GALNS: variants seen among roughly 807,000 people sequenced by gnomAD.
GALNS encodes galactosamine (N-acetyl)-6-sulfatase, also known as N-acetylgalactosamine-6-sulfatase.
Under a neutral mutation model 65.9 loss-of-function variants are expected in GALNS, and 65 were observed. The ratio of observed to expected loss-of-function variants is 0.99; its 90% CI spans 0.81 to 1.21. GALNS has a LOEUF of 1.21. Ranked by LOEUF, GALNS falls within the 50% of genes most tolerant of loss-of-function variation. GALNS has a pLI of 0.00. For synonymous variants in GALNS, 346 were observed against 288.9 expected (o/e 1.20, Z -2.00); for missense variants, 776 against 700.7 (o/e 1.11, Z -1.21).
intron 13 of GALNS, chr16:88,814,952 C>A: frequency 1.2e-6 from 1 of 840,142 alleles, no homozygotes; most frequent in Non-Finnish European, 1.4e-6. Context: ...AGGCTGGTCT[C>A]AAACTTCTGA....
At chr16:88,832,719 G>A (rs1378912899) in intron 8 of GALNS, among the ~76,000 whole-genome samples, 1 of 152,202 alleles carries the variant, frequency 6.6e-6, no homozygotes, top group Non-Finnish European at 1.5e-5. Flanking sequence ...TGTAGCCTGA[G>A]CCACTTGAGG....
chr16:88,840,838 G>A, intron 4 of GALNS, 154 bp downstream of exon 4: 1 of 701,736 alleles, frequency 1.4e-6, no homozygotes, highest in South Asian at 1.5e-5. Context: ...GCCTGCACAG[G>A]GACGCTGGAG....
intron 12 of GALNS, among the ~76,000 whole-genome samples, chr16:88,819,084 C>T (rs747754441): frequency 8.5e-5 from 13 of 152,256 alleles, no homozygotes; most frequent in African/African-American, 1.2e-4. Flanking sequence ...CTGCCTTGGA[C>T]GCTCAGCAGT....
intron 1 of GALNS, chr16:88,856,358 G>A (rs1165456251): frequency 1.4e-6 from 1 of 701,930 alleles, no homozygotes; most frequent in Non-Finnish European, 2.6e-6. Flanking sequence ...CTCCCTTTGG[G>A]GAGGCCACGC....
At chr16:88,815,084 A>C (rs980285550) in intron 13 of GALNS, 9 of 985,428 alleles carry the variant, frequency 9.1e-6, no homozygotes, top group Non-Finnish European at 1.1e-5. Flanking sequence ...ACCCCAACCA[A>C]TTGGCCTCAG....
In GALNS at chr16:88,815,864, G is replaced by A. The variant is rs1909569176; in HGVS notation, c.1483-1339C>T. 3.0e-6 allele frequency: 3 copies of A among 985,322 alleles called. No homozygotes were observed. In the South Asian group the frequency reaches 1.4e-4, roughly 46 times the overall value. 61.0% of individuals were successfully genotyped at this position (985,322 alleles called of 1,614,324 possible). A position where few individuals can be genotyped will look rare whatever the true frequency, so the allele number is the denominator to read the frequency against. On this transcript the variant is annotated intron_variant, in intron 13 of 13. Coordinates refer to ENST00000268695, the MANE Select transcript of GALNS (RefSeq NM_000512.5). ...CAGGGTGTGTTTGAGTCTGGATGGG[G>A]GATCTGCATTTCTCAAAGGCCGCTC...
At chr16:88,855,308 G>A in intron 1 of GALNS, 1 of 700,186 alleles carries the variant, frequency 1.4e-6, no homozygotes, top group Non-Finnish European at 2.6e-6. Context: ...ATCCAGCGAA[G>A]CTATGCTGGC....
At position 88,841,940 on chromosome 16, in the gene GALNS, G is replaced by A; in HGVS notation, c.276C>T (p.Pro92=). 2 of 1,613,628 alleles carry A rather than the reference G, an allele frequency of 1.2e-6. No homozygotes were observed. The highest frequency in any genetic ancestry group is 1.7e-6 in the Non-Finnish European group (2 of 1,179,814). Residue 92 remains proline (P), a synonymous_variant, in exon 3 of 14, where the codon CCC becomes CCT. Coordinates refer to ENST00000268695, the MANE Select transcript of GALNS (RefSeq NM_000512.5). ...SRAALLTGRL[P]IRNGFYTTNA... is the part of the protein sequence containing the mutation. Reference sequence around the variant, plus strand: ...TGGTGGTGTAGAAGCCATTGCGGATGGGTAGCCGTCCTGTGAGCAGTGCCG... The same window carrying A: ...TGGTGGTGTAGAAGCCATTGCGGATAGGTAGCCGTCCTGTGAGCAGTGCCG...
At position 88,835,856 on chromosome 16, in the gene GALNS, A is replaced by T; in HGVS notation, c.634-7T>A. ...TAATGAAGTCCAGGGCTTCCTATGG[A>T]GAGAGCCACACCGTCGTCCTCCAGC... is the stretch of plus-strand genomic sequence containing the variant. On this transcript the variant is annotated splice_region_variant and splice_polypyrimidine_tract_variant and intron_variant, in intron 6 of 13. Transcript: ENST00000268695. 1.9e-6 allele frequency: 3 copies of T among 1,613,962 alleles called. No homozygotes were observed. Among genetic ancestry groups the T allele is most frequent in the Non-Finnish European group, 2.5e-6 (3 of 1,179,984 alleles).
Position 88,831,057 on chromosome 16 carries a change from G to A in GALNS, c.1002+941C>T, listed in dbSNP as rs1240865213. On this transcript the variant is annotated intron_variant, in intron 9 of 13. Coordinates refer to ENST00000268695, the MANE Select transcript of GALNS (RefSeq NM_000512.5). ...AGGACTGCTGCGGTGACTGGACCAC[G>A]GATGTCTCCTCACCACACAGTCATT... Among the ~76,000 whole-genome samples, 8 of 152,308 alleles carry A rather than the reference G, an allele frequency of 5.3e-5. 1 individual carries two copies. The highest frequency in any genetic ancestry group is 2.1e-4 in the South Asian group (1 of 4,826).
chr16:88,822,483 G>A lies in GALNS; in HGVS notation c.1364+106C>T. ...AATAGCAACAGCAGATGCAGGCAAG[G>A]GGAGGCGGCGGGCAGGGTGCAGAGG... On this transcript the variant is annotated intron_variant, in intron 12 of 13. Transcript: ENST00000268695. 3 of 1,456,784 alleles carry A rather than the reference G, an allele frequency of 2.1e-6. No homozygotes were observed. In the East Asian group the frequency reaches 7.0e-5, roughly 34 times the overall value. The allele number at this position is 1,456,784 out of a possible 1,614,324, so 90.2% of individuals were successfully genotyped here. A position where few individuals can be genotyped will look rare whatever the true frequency, so the allele number is the denominator to read the frequency against.
chr16:88,835,086 C>T, intron 8 of GALNS, 127 bp downstream of exon 8: 1 of 1,246,506 alleles, frequency 8.0e-7, no homozygotes, highest in Non-Finnish European at 1.1e-6. Flanking sequence ...ATCTGCTCCT[C>T]CCGCTGGACC....
At chr16:88,851,118 C>G (rs1219282347) in intron 1 of GALNS, among the ~76,000 whole-genome samples, 1 of 152,202 alleles carries the variant, frequency 6.6e-6, no homozygotes, top group Non-Finnish European at 1.5e-5. Context: ...CTATGAAAAG[C>G]AGGTGTGGAC....
intron 3 of GALNS, 34 bp downstream of exon 3, chr16:88,841,863 C>G: frequency 6.3e-7 from 1 of 1,594,544 alleles, no homozygotes; most frequent in Non-Finnish European, 8.6e-7. Context: ...ACCCTGCACC[C>G]CAAGGGTGTC....
intron 5 of GALNS, among the ~76,000 whole-genome samples, chr16:88,837,146 G>A (rs3784885): frequency 0.25 from 38,022 of 152,170 alleles, 5,089 homozygotes; most frequent in East Asian, 0.56. Flanking sequence ...ACCCGGCACT[G>A]CCGTGTCAAG....
intron 1 of GALNS, among the ~76,000 whole-genome samples, chr16:88,854,245 C>T (rs537502229): frequency 7.9e-5 from 12 of 152,346 alleles, no homozygotes; most frequent in Middle Eastern, 3.4e-3. Context: ...CAGGTTCAGA[C>T]GCCAGCGCCC....
chr16:88,819,469 C>A (rs982475049), intron 12 of GALNS, among the ~76,000 whole-genome samples: 1 of 152,242 alleles, frequency 6.6e-6, no homozygotes, highest in Non-Finnish European at 1.5e-5. Context: ...CTGGCGTGAA[C>A]TGCACGTGCA....
At chr16:88,827,964 G>A (rs536199159) in intron 9 of GALNS, among the ~76,000 whole-genome samples, 5 of 152,364 alleles carry the variant, frequency 3.3e-5, no homozygotes, top group Admixed American at 2.0e-4. Flanking sequence ...TAGGGCAGAC[G>A]GCGATCGCCA....
At chr16:88,815,252 G>T (rs1297488649) in intron 13 of GALNS, 2 of 985,366 alleles carry the variant, frequency 2.0e-6, no homozygotes, top group East Asian at 2.3e-4. Flanking sequence ...TATGGGGGAT[G>T]CAGCTGCCAA....
Sources: gnomAD v4.1 joint callset for allele counts (sites outside exome capture counted in the v4.1 genomes callset) on GRCh38, gnomAD v4.1.1 for gene constraint, MANE v1.5 for transcripts, NCBI Gene and HGNC (gene_info 2026-07-23, HGNC 2026-07-21) for gene names.